TENM2: variants seen among roughly 807,000 people sequenced by gnomAD.
The protein encoded by TENM2 is teneurin-2.
Under a neutral mutation model 245.2 loss-of-function variants are expected in TENM2, and 52 were observed. That is an observed-to-expected ratio of 0.21 (90% CI 0.17 to 0.27). The LOEUF is 0.27. Among genes scored for constraint, TENM2 ranks in the 10% least tolerant of loss-of-function variants. The pLI is 1.00. For synonymous variants in TENM2, 1,363 were observed against 1,438.9 expected, an observed-to-expected ratio of 0.95 and a Z score of 1.19; for missense variants, 3,046 against 3,666.8, an observed-to-expected ratio of 0.83 and a Z score of 4.37.
At chr5:167,810,809 T>C (rs1455149471) in intron 2 of TENM2, among the ~76,000 whole-genome samples, 1 of 152,106 alleles carries the variant, frequency 6.6e-6, no homozygotes, top group Non-Finnish European at 1.5e-5. Context: ...AGAACTGGCT[T>C]CACTCTTTGC....
intron 2 of TENM2, chr5:167,653,574 A>G (rs1187317206): frequency 6.6e-6 from 1 of 151,702 alleles, no homozygotes; most frequent in Non-Finnish European, 1.5e-5. Flanking sequence ...AATATTCAGT[A>G]TCTGGTCCGT....
intron 2 of TENM2, among the ~76,000 whole-genome samples, chr5:167,832,693 G>A (rs1279280682): frequency 6.6e-6 from 1 of 152,050 alleles, no homozygotes; most frequent in Non-Finnish European, 1.5e-5. Context: ...GAAATAAAAG[G>A]AGAGAGAGGG....
intron 2 of TENM2, among the ~76,000 whole-genome samples, chr5:167,586,696 C>T (rs1775519493): frequency 6.6e-6 from 1 of 151,880 alleles, no homozygotes; most frequent in Non-Finnish European, 1.5e-5. Flanking sequence ...AACGTACTTG[C>T]CAATGAGCAA....
chr5:167,887,458 C>A (rs10079246), intron 3 of TENM2, among the ~76,000 whole-genome samples: 3,530 of 152,278 alleles, frequency 0.023, 133 homozygotes, highest in African/African-American at 0.079. Flanking sequence ...GACTGCAGGT[C>A]ACTGTAACAT....
chr5:167,755,588 A>G (rs762837618), intron 2 of TENM2, among the ~76,000 whole-genome samples: 4 of 152,078 alleles, frequency 2.6e-5, no homozygotes, highest in Admixed American at 6.6e-5. Flanking sequence ...CATCTGTCAC[A>G]TTTTTTTCAC....
chr5:167,784,498 T>C (rs1323801762), intron 2 of TENM2, among the ~76,000 whole-genome samples: 1 of 152,168 alleles, frequency 6.6e-6, no homozygotes, highest in Non-Finnish European at 1.5e-5. Context: ...CATACTACAG[T>C]CATATGAACC....
the TENM2 span, among the ~76,000 whole-genome samples, chr5:167,094,187 G>A: frequency 6.6e-6 from 1 of 151,986 alleles, no homozygotes; most frequent in South Asian, 2.1e-4. Flanking sequence ...CAATTTTCTT[G>A]AGCTATAATT....
intron 1 of TENM2, among the ~76,000 whole-genome samples, chr5:167,369,924 T>TA (rs1561900936): frequency 2.0e-5 from 3 of 152,246 alleles, no homozygotes; most frequent in Admixed American, 6.5e-5. Context: ...TCAAAGTTGG[T>TA]AAAAACTTAG....
At chr5:167,268,914 A>G in the TENM2 span, among the ~76,000 whole-genome samples, 817 of 151,870 alleles carry the variant, frequency 5.4e-3, 2 homozygotes, top group Non-Finnish European at 9.3e-3. Flanking sequence ...AGATAGATAG[A>G]TAGATAGATA....
At chr5:167,558,467 C>T (rs578149600) in intron 2 of TENM2, among the ~76,000 whole-genome samples, 10 of 152,288 alleles carry the variant, frequency 6.6e-5, no homozygotes, top group African/African-American at 1.9e-4. Context: ...GTTAGGAACC[C>T]GGCTGCATGG....
chr5:168,131,438 A>G (rs1417052475), intron 12 of TENM2, among the ~76,000 whole-genome samples: 3 of 152,332 alleles, frequency 2.0e-5, no homozygotes, highest in African/African-American at 4.8e-5. Context: ...TTTTCCCTGT[A>G]TCGCACTGGG....
At chr5:167,576,596 A>G (rs1774706449) in intron 2 of TENM2, among the ~76,000 whole-genome samples, 1 of 152,190 alleles carries the variant, frequency 6.6e-6, no homozygotes, top group East Asian at 1.9e-4. Flanking sequence ...TTAACTGCAC[A>G]TTACTATTCA....
intron 1 of TENM2, among the ~76,000 whole-genome samples, chr5:167,373,847 C>A (rs1760585318): frequency 6.6e-6 from 1 of 152,180 alleles, no homozygotes; most frequent in Admixed American, 6.5e-5. Flanking sequence ...ATTTAAATGG[C>A]ATAAAGCCTA....
chr5:167,558,919 A>C (rs1773419139), intron 2 of TENM2, among the ~76,000 whole-genome samples: 1 of 152,072 alleles, frequency 6.6e-6, no homozygotes, highest in South Asian at 2.1e-4. Flanking sequence ...AATTAGGTAC[A>C]GTCAGCAGTA....
intron 14 of TENM2, among the ~76,000 whole-genome samples, chr5:168,194,484 A>G (rs764485080): frequency 6.6e-6 from 1 of 152,216 alleles, no homozygotes; most frequent in African/African-American, 2.4e-5. Flanking sequence ...CCTTCAAGAT[A>G]GCAGGAATTC....
chr5:167,080,259 A>G, the TENM2 span, among the ~76,000 whole-genome samples: 2 of 152,216 alleles, frequency 1.3e-5, no homozygotes, highest in African/African-American at 4.8e-5. Flanking sequence ...TCTTCTAGGC[A>G]AATTATCAGA....
intron 2 of TENM2, among the ~76,000 whole-genome samples, chr5:167,664,952 T>A (rs765469619): frequency 8.5e-5 from 13 of 152,208 alleles, no homozygotes; most frequent in Non-Finnish European, 1.5e-4. Flanking sequence ...CTTATACTAG[T>A]CAGGACATGG....
chr5:167,591,679 A>G (rs1260245423), intron 2 of TENM2, among the ~76,000 whole-genome samples: 2 of 152,198 alleles, frequency 1.3e-5, no homozygotes, highest in African/African-American at 4.8e-5. Context: ...TTTATATATC[A>G]GTTTTTATTT....
intron 10 of TENM2, among the ~76,000 whole-genome samples, chr5:168,118,713 T>G (rs1795265070): frequency 6.6e-6 from 1 of 152,246 alleles, no homozygotes; most frequent in South Asian, 2.1e-4. Context: ...CTCTCCTTTG[T>G]AGAAATTGAT....
Sources: gnomAD v4.1 joint callset for allele counts (sites outside exome capture counted in the v4.1 genomes callset) on GRCh38, gnomAD v4.1.1 for gene constraint, MANE v1.5 for transcripts, NCBI Gene and HGNC (gene_info 2026-07-23, HGNC 2026-07-21) for gene names.